Variants in NPAS3 observed in about 807,000 individuals in gnomAD.
NPAS3 encodes neuronal PAS domain-containing protein 3.
A neutral mutation model predicts 73.1 loss-of-function variants in NPAS3; 14 were observed. The observed-to-expected ratio is 0.19, with a 90% CI of 0.13 to 0.30. The LOEUF (loss-of-function observed/expected upper bound fraction) is 0.30, where lower values mean the gene tolerates loss of function less well. Ranked by LOEUF, NPAS3 falls within the 10% of genes least tolerant of loss-of-function variation. NPAS3 has a pLI of 1.00. For synonymous variants in NPAS3, 620 were observed against 541.5 expected (o/e 1.14, Z -2.01); for missense variants, 1,096 against 1,250.0 (o/e 0.88, Z 1.86).
At chr14:33,718,210 G>C (rs2061009588) in intron 6 of NPAS3, among the ~76,000 whole-genome samples, 3 of 151,936 alleles carry the variant, frequency 2.0e-5, no homozygotes, top group Admixed American at 1.3e-4. Flanking sequence ...CTGGGTTCTT[G>C]TTTTGTCTAT....
At chr14:33,034,504 TAATA>T in intron 1 of NPAS3, among the ~76,000 whole-genome samples, 1 of 151,508 alleles carries the variant, frequency 6.6e-6, no homozygotes, top group Non-Finnish European at 1.5e-5. Flanking sequence ...TTAATAGAGT[TAATA>T]TATACCATAT....
At chr14:32,982,822 T>C (rs17099796) in intron 1 of NPAS3, among the ~76,000 whole-genome samples, 3,015 of 152,314 alleles carry the variant, frequency 0.02, 104 homozygotes, top group African/African-American at 0.069. Flanking sequence ...GTTGCTAATA[T>C]CACTCAGATG....
At chr14:33,171,754 C>T (rs2045397513) in intron 2 of NPAS3, among the ~76,000 whole-genome samples, 2 of 152,210 alleles carry the variant, frequency 1.3e-5, no homozygotes, top group Non-Finnish European at 2.9e-5. Context: ...TTTTCCTTTG[C>T]ACTCACAATG....
intron 1 of NPAS3, among the ~76,000 whole-genome samples, chr14:33,022,645 A>C (rs989543582): frequency 7.4e-6 from 1 of 135,794 alleles, no homozygotes; most frequent in Non-Finnish European, 1.5e-5. Flanking sequence ...AGCCTGGGCG[A>C]CAGAGCGAGA....
At chr14:33,252,714 A>G (rs2048634106) in intron 3 of NPAS3, among the ~76,000 whole-genome samples, 1 of 151,168 alleles carries the variant, frequency 6.6e-6, no homozygotes. Flanking sequence ...ACTGGTGGGG[A>G]TTGGGCTTCT....
At chr14:33,135,626 A>T (rs1031719665) in intron 2 of NPAS3, among the ~76,000 whole-genome samples, 1 of 152,132 alleles carries the variant, frequency 6.6e-6, no homozygotes, top group Non-Finnish European at 1.5e-5. Context: ...ATTATTTTGG[A>T]TTTGGGTCAT....
At chr14:32,997,053 C>T (rs2038606242) in intron 1 of NPAS3, among the ~76,000 whole-genome samples, 1 of 152,194 alleles carries the variant, frequency 6.6e-6, no homozygotes, top group African/African-American at 2.4e-5. Flanking sequence ...GAACCCACCT[C>T]ATGCATTAGC....
intron 1 of NPAS3, among the ~76,000 whole-genome samples, chr14:32,963,216 G>T (rs757130638): frequency 4.6e-5 from 7 of 152,014 alleles, no homozygotes; most frequent in Admixed American, 1.3e-4. Context: ...GCAAAATAAG[G>T]TTTTTTTCTG....
chr14:33,418,492 G>A lies in NPAS3; in HGVS notation c.468+51224G>A, dbSNP rs550695963. ...ATAAACTGCTGTTTATTTTTTCAGG[G>A]ACAGTCAAAGCAGTCAAATACTTTT... On this transcript the variant is annotated intron_variant, in intron 4 of 11. Transcript: ENST00000356141. 2.0e-4 allele frequency among the ~76,000 whole-genome samples: 30 copies of A among 151,980 alleles called. No homozygotes were observed. The South Asian group carries it at 6.0e-3, about 30-fold the overall frequency.
intron 6 of NPAS3, among the ~76,000 whole-genome samples, chr14:33,724,038 T>C (rs1241037867): frequency 6.6e-6 from 1 of 152,120 alleles, no homozygotes; most frequent in Non-Finnish European, 1.5e-5. Context: ...AAATCTCAAA[T>C]ACCTGTTAAA....
intron 4 of NPAS3, among the ~76,000 whole-genome samples, chr14:33,462,098 A>G (rs1285684215): frequency 6.6e-6 from 1 of 152,190 alleles, no homozygotes; most frequent in Non-Finnish European, 1.5e-5. Flanking sequence ...TGAAGTGGAA[A>G]CCATCATTAC....
intron 3 of NPAS3, among the ~76,000 whole-genome samples, chr14:33,316,944 G>A (rs1169701862): frequency 6.6e-5 from 10 of 152,004 alleles, no homozygotes; most frequent in Non-Finnish European, 1.3e-4. Flanking sequence ...GGAAATAAGT[G>A]GAAAAGGAAG....
intron 4 of NPAS3, among the ~76,000 whole-genome samples, chr14:33,482,273 C>A (rs1213764760): frequency 6.6e-6 from 1 of 152,056 alleles, no homozygotes; most frequent in Non-Finnish European, 1.5e-5. Context: ...GATAGATGTT[C>A]ACATTCGAAC....
intron 2 of NPAS3, among the ~76,000 whole-genome samples, chr14:33,072,311 A>G (rs949039435): frequency 2.6e-5 from 4 of 152,222 alleles, no homozygotes; most frequent in Non-Finnish European, 5.9e-5. Flanking sequence ...TTGGAAAAGG[A>G]CGTGATTTAA....
chr14:32,951,577 A>G (rs1257285052), intron 1 of NPAS3, among the ~76,000 whole-genome samples: 1 of 152,144 alleles, frequency 6.6e-6, no homozygotes, highest in Non-Finnish European at 1.5e-5. Flanking sequence ...GAAAAATACT[A>G]AAATGTTTGG....
intron 4 of NPAS3, among the ~76,000 whole-genome samples, chr14:33,457,320 G>C (rs2050068030): frequency 6.6e-6 from 1 of 152,216 alleles, no homozygotes; most frequent in South Asian, 2.1e-4. Context: ...TTTTGTGCCA[G>C]ACAACAGAAT....
In NPAS3 at chr14:33,800,854, C is replaced by T. The variant is rs748353212; in HGVS notation, c.2547C>T (p.His849=). The change falls in exon 12 of 12, where the codon CAC becomes CAT. Residue 849 remains histidine (H), a synonymous_variant. Transcript: ENST00000356141. The surrounding 1 kb of genome is among the most constrained non-coding windows in gnomAD (Gnocchi z 6.5). ...AGAGCAACCTGCTGCCCAACGCGCA[C>T]GCTGTTAACTTCGTGGACGTTAACA... is the stretch of plus-strand genomic sequence containing the variant. The T allele has an allele frequency of 2.5e-6, 4 of 1,605,460 alleles. No homozygotes were observed. The highest frequency in any genetic ancestry group is 1.7e-4 in the Middle Eastern group (1 of 6,056).
intron 5 of NPAS3, among the ~76,000 whole-genome samples, chr14:33,577,240 T>C (rs1250179362): frequency 6.6e-6 from 1 of 152,220 alleles, no homozygotes; most frequent in African/African-American, 2.4e-5. Flanking sequence ...CTGAGTACTT[T>C]TGATGCATGT....
chr14:33,305,027 A>G (rs1456594474), intron 3 of NPAS3, among the ~76,000 whole-genome samples: 1 of 152,158 alleles, frequency 6.6e-6, no homozygotes, highest in African/African-American at 2.4e-5. Context: ...GAAGTAGACA[A>G]GAGACAATAA....
Sources: allele counts gnomAD v4.1 joint callset (sites outside exome capture counted in the v4.1 genomes callset), GRCh38; gene constraint gnomAD v4.1.1; non-coding constraint Gnocchi (gnomAD v3.1); transcripts MANE v1.5; gene names NCBI Gene and HGNC (gene_info 2026-07-23, HGNC 2026-07-21).